The following TTC28 variants were observed in gnomAD, a reference collection of about 807,000 sequenced individuals.
TTC28 encodes the protein tetratricopeptide repeat protein 28.
TTC28 carries 61 observed loss-of-function variants against 198.0 expected under a neutral mutation model. The ratio of observed to expected loss-of-function variants is 0.31; its 90% CI spans 0.25 to 0.38. The LOEUF (loss-of-function observed/expected upper bound fraction) is 0.38, where lower values mean the gene tolerates loss of function less well. Among genes scored for constraint, TTC28 ranks in the 10% least tolerant of loss-of-function variants. TTC28 has a pLI of 1.00. For synonymous variants in TTC28, 1,171 were observed against 1,297.8 expected (o/e 0.90, Z 2.10); for missense variants, 2,678 against 3,164.0 (o/e 0.85, Z 3.69).
At chr22:28,145,963 A>C (rs1238510325) in intron 6 of TTC28, among the ~76,000 whole-genome samples, 1 of 152,218 alleles carries the variant, frequency 6.6e-6, no homozygotes, top group Non-Finnish European at 1.5e-5. Context: ...TCAGCTAAGC[A>C]TCTTGTCCAG....
chr22:28,289,406 CT>C (rs1419327103), intron 5 of TTC28, among the ~76,000 whole-genome samples: 1 of 152,176 alleles, frequency 6.6e-6, no homozygotes, highest in African/African-American at 2.4e-5. Flanking sequence ...TTCATATTAA[CT>C]CATAGGAAGG....
intron 2 of TTC28, among the ~76,000 whole-genome samples, chr22:28,386,005 G>C (rs1035951385): frequency 6.6e-6 from 1 of 151,792 alleles, no homozygotes; most frequent in Admixed American, 6.6e-5. Context: ...GGCCGGGCGC[G>C]GTGGCTCACG....
chr22:28,359,963 A>G (rs892430033), intron 2 of TTC28, among the ~76,000 whole-genome samples: 9 of 150,916 alleles, frequency 6.0e-5, no homozygotes, highest in Non-Finnish European at 3.0e-5. Flanking sequence ...TCCCTACCCC[A>G]CCCCACCCTG....
At chr22:28,618,632 A>C (rs911131135) in intron 2 of TTC28, among the ~76,000 whole-genome samples, 2 of 150,088 alleles carry the variant, frequency 1.3e-5, no homozygotes, top group Non-Finnish European at 3.0e-5. Context: ...CAGTGAGCTG[A>C]GATCGTGCCA....
At chr22:28,066,275 CGT>C (rs796325170) in intron 12 of TTC28, among the ~76,000 whole-genome samples, 7,398 of 135,160 alleles carry the variant, frequency 0.055, 206 homozygotes, top group African/African-American at 0.084. Context: ...ACCTAGTTAC[CGT>C]GTGTGTGTGT....
At chr22:28,529,671 A>C (rs1333304848) in intron 2 of TTC28, among the ~76,000 whole-genome samples, 6 of 152,126 alleles carry the variant, frequency 3.9e-5, no homozygotes, top group Non-Finnish European at 8.8e-5. Context: ...GCCAACTGAC[A>C]CCTCATACAG....
chr22:28,672,550 T>C (rs1002424561), intron 1 of TTC28, among the ~76,000 whole-genome samples: 8 of 152,202 alleles, frequency 5.3e-5, no homozygotes, highest in African/African-American at 1.7e-4. Context: ...TCCACCCGTC[T>C]CGGCCTCCTA....
chr22:28,638,927 A>G, intron 1 of TTC28, among the ~76,000 whole-genome samples: 1 of 152,178 alleles, frequency 6.6e-6, no homozygotes, highest in East Asian at 1.9e-4. Flanking sequence ...CTCACTACCT[A>G]AGAGTTGGGA....
In TTC28 at chr22:28,039,341, T is replaced by TA. The variant is rs1366543550; in HGVS notation, c.3933-8976dup. Among the ~76,000 whole-genome samples, 30 of 152,070 alleles carry TA rather than the reference T, an allele frequency of 2.0e-4. No individual in the cohort carries two copies. In the South Asian group the frequency reaches 4.8e-3, roughly 24 times the overall value. On this transcript the variant is annotated intron_variant, in intron 12 of 22. Coordinates refer to ENST00000397906, the MANE Select transcript of TTC28 (RefSeq NM_001145418.2). ...TACACCATGGAATACTATGCAGCCATAAAAAAGGATGAGTTCATGTCCTTT... is the reference window on the plus strand; with the variant it reads ...TACACCATGGAATACTATGCAGCCATAAAAAAAGGATGAGTTCATGTCCTTT...
chr22:28,224,710 G>A (rs1928154720), intron 5 of TTC28, among the ~76,000 whole-genome samples: 1 of 152,142 alleles, frequency 6.6e-6, no homozygotes, highest in Non-Finnish European at 1.5e-5. Context: ...CTGATGAGAA[G>A]CAAATATAAG....
chr22:28,546,271 C>A (rs1337062620), intron 2 of TTC28, among the ~76,000 whole-genome samples: 1 of 152,054 alleles, frequency 6.6e-6, no homozygotes, highest in African/African-American at 2.4e-5. Flanking sequence ...CATGGTGAGA[C>A]CCCGTCTCTA....
At chr22:28,179,452 G>A (rs749686513) in intron 5 of TTC28, among the ~76,000 whole-genome samples, 5 of 152,122 alleles carry the variant, frequency 3.3e-5, no homozygotes, top group Admixed American at 6.5e-5. Context: ...GAGGCACCGC[G>A]CCTGGCCTAG....
intron 16 of TTC28, chr22:27,998,320 C>A (rs893402286): frequency 1.1e-5 from 8 of 747,938 alleles, no homozygotes; most frequent in African/African-American, 1.1e-4. Context: ...ACACTCATGG[C>A]AAATGGTTCT....
At chr22:28,315,246 T>C (rs2045334346) in intron 2 of TTC28, among the ~76,000 whole-genome samples, 1 of 152,178 alleles carries the variant, frequency 6.6e-6, no homozygotes, top group African/African-American at 2.4e-5. Flanking sequence ...TCAAAGACTT[T>C]TATGCCATTT....
intron 10 of TTC28, 122 bp from the exon 11 acceptor site, chr22:28,096,530 C>T (rs1941979800): frequency 3.0e-6 from 3 of 1,010,022 alleles, no homozygotes; most frequent in South Asian, 3.3e-5. Flanking sequence ...CAATATGTGA[C>T]AGAATCTCAG....
chr22:28,148,570 G>A (rs866784007), intron 6 of TTC28, among the ~76,000 whole-genome samples: 13 of 148,816 alleles, frequency 8.7e-5, no homozygotes, highest in Admixed American at 2.7e-4. Flanking sequence ...CCAAGATTGC[G>A]TCACTGCACT....
chr22:28,562,752 A>C (rs1037732410), intron 2 of TTC28, among the ~76,000 whole-genome samples: 1 of 152,222 alleles, frequency 6.6e-6, no homozygotes, highest in Admixed American at 6.5e-5. Context: ...AAAATTGCCA[A>C]AAGCACAAAA....
chr22:28,028,557 T>A (rs1938934305), intron 13 of TTC28, among the ~76,000 whole-genome samples: 1 of 152,132 alleles, frequency 6.6e-6, no homozygotes, highest in Non-Finnish European at 1.5e-5. Context: ...TGCAACCAGG[T>A]CACCATGGAT....
Position 28,353,655 on chromosome 22 carries a change from G to C in TTC28, c.382-47012C>G, listed in dbSNP as rs5762566. 2.4e-4 allele frequency among the ~76,000 whole-genome samples: 36 copies of C among 152,206 alleles called. No homozygotes were observed. The East Asian group carries it at 6.8e-3, about 29-fold the overall frequency. On this transcript the variant is annotated intron_variant, in intron 2 of 22. Transcript: ENST00000397906. ...AAAAACTGGCTACCCACATGCAAAA[G>C]AATGAAGGTGGACCCTTACCTTATA... is the stretch of plus-strand genomic sequence containing the variant.
Sources: allele counts gnomAD v4.1 joint callset (sites outside exome capture counted in the v4.1 genomes callset), GRCh38; gene constraint gnomAD v4.1.1; transcripts MANE v1.5; gene names NCBI Gene and HGNC (gene_info 2026-07-23, HGNC 2026-07-21).